KCNIP4: variants seen among roughly 807,000 people sequenced by gnomAD.
KCNIP4 encodes the protein potassium voltage-gated channel interacting protein 4.
KCNIP4 carries 12 observed loss-of-function variants against 34.0 expected under a neutral mutation model. The ratio of observed to expected loss-of-function variants is 0.35; its 90% CI spans 0.23 to 0.57. The LOEUF is 0.57. KCNIP4 is among the 20% of genes least tolerant of loss of function. The pLI is 0.83. For synonymous variants in KCNIP4, 124 were observed against 102.2 expected (o/e 1.21, Z -1.29); for missense variants, 238 against 311.7 (o/e 0.76, Z 1.78).
At chr4:20,827,790 A>C (rs1717931711) in intron 3 of KCNIP4, among the ~76,000 whole-genome samples, 1 of 141,686 alleles carries the variant, frequency 7.1e-6, no homozygotes, top group Non-Finnish European at 1.5e-5. Context: ...TTCACAAAAC[A>C]AAATTACCCA....
At chr4:21,622,423 T>C (rs1371123152) in intron 1 of KCNIP4, among the ~76,000 whole-genome samples, 1 of 152,170 alleles carries the variant, frequency 6.6e-6, no homozygotes, top group Non-Finnish European at 1.5e-5. Context: ...TTATTAAATA[T>C]ATGTGTTCTT....
intron 1 of KCNIP4, among the ~76,000 whole-genome samples, chr4:21,519,406 A>G (rs1307405654): frequency 6.6e-6 from 1 of 150,468 alleles, no homozygotes; most frequent in African/African-American, 2.5e-5. Context: ...ATATGTGTGT[A>G]TATGTATGTG....
At chr4:21,097,663 T>C (rs1278270481) in intron 1 of KCNIP4, among the ~76,000 whole-genome samples, 2 of 152,122 alleles carry the variant, frequency 1.3e-5, no homozygotes, top group Admixed American at 6.6e-5. Flanking sequence ...AACTTAATAA[T>C]AAATGTGTGT....
chr4:21,401,635 A>G (rs1249629330), intron 1 of KCNIP4, among the ~76,000 whole-genome samples: 1 of 152,266 alleles, frequency 6.6e-6, no homozygotes, highest in Non-Finnish European at 1.5e-5. Flanking sequence ...AGAAAAAGCC[A>G]GCAACAGGGA....
At chr4:20,742,953 T>G (rs1751505937) in intron 5 of KCNIP4, among the ~76,000 whole-genome samples, 1 of 151,942 alleles carries the variant, frequency 6.6e-6, no homozygotes, top group Non-Finnish European at 1.5e-5. Flanking sequence ...ATGAGTGAAC[T>G]CCCATTCACA....
intron 1 of KCNIP4, among the ~76,000 whole-genome samples, chr4:21,768,517 G>T (rs1256424568): frequency 6.6e-6 from 1 of 152,064 alleles, no homozygotes; most frequent in Non-Finnish European, 1.5e-5. Context: ...CTCATTTTCA[G>T]TCTTGAGGTA....
intron 1 of KCNIP4, among the ~76,000 whole-genome samples, chr4:21,308,711 A>AGAGTGTGT (rs112369238): frequency 2.1e-4 from 32 of 149,978 alleles, no homozygotes; most frequent in East Asian, 2.0e-3. Context: ...CTGCCGTGTG[A>AGAGTGTGT]GTGTGTGTGT....
Position 20,875,876 on chromosome 4 carries a change from C to T in KCNIP4, c.163+6732G>A, listed in dbSNP as rs190954736. Among the ~76,000 whole-genome samples the T allele has an allele frequency of 1.9e-3, 291 of 152,138 alleles. 1 individual carries two copies. The highest frequency in any genetic ancestry group is 1.7e-3 in the Non-Finnish European group (116 of 67,998). ...AAAATTTCTATGATCAATATGCTACCGGGAAAAACAAAACACACTGAAATG... is the reference window on the plus strand; with the variant it reads ...AAAATTTCTATGATCAATATGCTACTGGGAAAAACAAAACACACTGAAATG... On this transcript the variant is annotated intron_variant, in intron 2 of 8. Transcript: ENST00000382152.
chr4:20,839,487 A>T (rs1719464862), intron 3 of KCNIP4, among the ~76,000 whole-genome samples: 1 of 105,086 alleles, frequency 9.5e-6, no homozygotes, highest in South Asian at 4.7e-4. Flanking sequence ...CCATGTATAT[A>T]TCTATATTAT....
At chr4:20,756,734 A>G (rs533333998) in intron 4 of KCNIP4, among the ~76,000 whole-genome samples, 2 of 151,822 alleles carry the variant, frequency 1.3e-5, no homozygotes, top group South Asian at 4.2e-4. Flanking sequence ...TCCCAAAGAG[A>G]CCTTCTGATC....
chr4:20,848,929 A>G (rs1254685854), intron 3 of KCNIP4, among the ~76,000 whole-genome samples: 1 of 152,132 alleles, frequency 6.6e-6, no homozygotes, highest in Non-Finnish European at 1.5e-5. Flanking sequence ...CTTTTGGCCC[A>G]GATTGGTCTT....
At chr4:21,426,425 T>A (rs752195934) in intron 1 of KCNIP4, among the ~76,000 whole-genome samples, 1 of 152,234 alleles carries the variant, frequency 6.6e-6, no homozygotes, top group Non-Finnish European at 1.5e-5. Context: ...GACACCTTAA[T>A]AAAGCTATTT....
At chr4:21,063,843 A>G (rs1273751080) in intron 1 of KCNIP4, among the ~76,000 whole-genome samples, 1 of 152,096 alleles carries the variant, frequency 6.6e-6, no homozygotes. Flanking sequence ...AGAGAATAAA[A>G]AAATTCTTAA....
intron 1 of KCNIP4, among the ~76,000 whole-genome samples, chr4:21,279,513 A>G (rs1313689598): frequency 2.1e-5 from 3 of 140,430 alleles, no homozygotes; most frequent in African/African-American, 5.1e-5. Flanking sequence ...ATACATACAT[A>G]TACACACACA....
At chr4:21,388,903 G>A (rs1167741280) in intron 1 of KCNIP4, among the ~76,000 whole-genome samples, 1 of 151,494 alleles carries the variant, frequency 6.6e-6, no homozygotes, top group Non-Finnish European at 1.5e-5. Context: ...ATAGACATTT[G>A]GGTTGTTTTC....
chr4:21,178,000 C>T (rs544526714), intron 1 of KCNIP4, among the ~76,000 whole-genome samples: 1 of 151,958 alleles, frequency 6.6e-6, no homozygotes, highest in Non-Finnish European at 1.5e-5. Flanking sequence ...TTGGCTTGAG[C>T]AAGACAAATC....
At chr4:21,642,154 T>C (rs887680815) in intron 1 of KCNIP4, among the ~76,000 whole-genome samples, 2 of 152,208 alleles carry the variant, frequency 1.3e-5, no homozygotes, top group Non-Finnish European at 2.9e-5. Context: ...AATTACTTCA[T>C]AGTAAACAAA....
intron 1 of KCNIP4, among the ~76,000 whole-genome samples, chr4:21,001,833 G>GT (rs1738164840): frequency 6.6e-6 from 1 of 152,196 alleles, no homozygotes; most frequent in South Asian, 2.1e-4. Flanking sequence ...TCTGACTGCT[G>GT]TAAGACCCTC....
chr4:21,771,869 A>G (rs952305633), intron 1 of KCNIP4, among the ~76,000 whole-genome samples: 2 of 151,778 alleles, frequency 1.3e-5, no homozygotes, highest in Admixed American at 1.3e-4. Context: ...CATGTCTGCA[A>G]ACAGAAATAT....
Sources: gnomAD v4.1 joint callset for allele counts (sites outside exome capture counted in the v4.1 genomes callset) on GRCh38, gnomAD v4.1.1 for gene constraint, MANE v1.5 for transcripts, NCBI Gene and HGNC (gene_info 2026-07-23, HGNC 2026-07-21) for gene names.